Variants in ATP2C1 observed in about 807,000 individuals in gnomAD.
The protein encoded by ATP2C1 is ATPase secretory pathway Ca2+ transporting 1, also known as calcium-transporting ATPase type 2C member 1.
Under a neutral mutation model 120.5 loss-of-function variants are expected in ATP2C1, and 31 were observed. The ratio of observed to expected loss-of-function variants is 0.26; its 90% CI spans 0.19 to 0.35. The LOEUF (loss-of-function observed/expected upper bound fraction) is 0.35, where lower values mean the gene tolerates loss of function less well. Ranked by LOEUF, ATP2C1 falls within the 10% of genes least tolerant of loss-of-function variation. The pLI is 1.00. For missense variants in ATP2C1, 731 were observed against 1,107.5 expected, an observed-to-expected ratio of 0.66 and a Z score of 4.83; for synonymous variants, 351 against 358.7, an observed-to-expected ratio of 0.98 and a Z score of 0.24.
intron 4 of ATP2C1, among the ~76,000 whole-genome samples, chr3:130,934,419 T>G (rs2059578372): frequency 6.6e-6 from 1 of 151,796 alleles, no homozygotes; most frequent in Non-Finnish European, 1.5e-5. Context: ...TTTTTTTTTC[T>G]GAAAAGGAAC....
downstream of ATP2C1, among the ~76,000 whole-genome samples, chr3:131,005,491 G>T (rs1013799240): frequency 1.3e-5 from 2 of 152,178 alleles, no homozygotes; most frequent in African/African-American, 4.8e-5. Context: ...ATACTAGTCT[G>T]TGGCCTTTGG....
At chr3:130,993,434 A>C (rs1483367238) in intron 21 of ATP2C1, among the ~76,000 whole-genome samples, 1 of 152,232 alleles carries the variant, frequency 6.6e-6, no homozygotes, top group Non-Finnish European at 1.5e-5. Flanking sequence ...TCCAGTAGTT[A>C]ATGGTCTTAA....
At chr3:130,999,767 A>G in intron 27 of ATP2C1, 108 bp downstream of exon 27, 1 of 1,083,060 alleles carries the variant, frequency 9.2e-7, no homozygotes, top group Non-Finnish European at 1.3e-6. Flanking sequence ...TAAGTAACTC[A>G]CTTGATTTGA....
At chr3:130,853,856 A>G (rs2067755085) in intron 1 of ATP2C1, among the ~76,000 whole-genome samples, 1 of 152,282 alleles carries the variant, frequency 6.6e-6, no homozygotes, top group South Asian at 2.1e-4. Context: ...TGACCCACAC[A>G]ACAGGCAGAG....
intron 26 of ATP2C1, among the ~76,000 whole-genome samples, chr3:131,010,165 T>C (rs2063262612): frequency 6.6e-6 from 1 of 150,530 alleles, no homozygotes; most frequent in Non-Finnish European, 1.5e-5. Context: ...AATGGTAATA[T>C]CTGCTCTTCA....
intron 1 of ATP2C1, among the ~76,000 whole-genome samples, chr3:130,853,815 T>C (rs1373894226): frequency 1.3e-5 from 2 of 152,190 alleles, no homozygotes; most frequent in Non-Finnish European, 2.9e-5. Context: ...CCCTGAGGCA[T>C]ACTGGAGCCT....
At chr3:130,979,864 T>C (rs1230864725) in intron 19 of ATP2C1, among the ~76,000 whole-genome samples, 1 of 152,182 alleles carries the variant, frequency 6.6e-6, no homozygotes, top group Non-Finnish European at 1.5e-5. Flanking sequence ...CTATTTAAGA[T>C]TACCGTAAGA....
exon 27 of ATP2C1, chr3:131,016,593 G>C: frequency 2.0e-6 from 1 of 499,776 alleles, no homozygotes; most frequent in Non-Finnish European, 3.6e-6. Flanking sequence ...CTTTTCCACT[G>C]GTCTACTACC....
chr3:130,976,755 C>G (rs190580026), intron 18 of ATP2C1, among the ~76,000 whole-genome samples: 7 of 152,212 alleles, frequency 4.6e-5, no homozygotes, highest in Non-Finnish European at 8.8e-5. Flanking sequence ...TTTCTCCCAG[C>G]GTCATTTCTG....
chr3:131,006,439 ATT>A (rs572972846), downstream of ATP2C1, among the ~76,000 whole-genome samples: 1 of 151,934 alleles, frequency 6.6e-6, no homozygotes, highest in Non-Finnish European at 1.5e-5. Context: ...TTTACTCGTA[ATT>A]TTTTTGGCCT....
rs144050547 is a variant in ATP2C1 at position 130,998,787 on chromosome 3, C to T, written c.2487+398C>T. 8.6e-3 allele frequency among the ~76,000 whole-genome samples: 1,309 copies of T among 151,956 alleles called. 27 individuals carry two copies. The highest frequency in any genetic ancestry group is 0.03 in the African/African-American group (1,251 of 41,462). On this transcript the variant is annotated intron_variant, in intron 26 of 27. Transcript: ENST00000510168. ...GAGCAGTTATGTGCCTATTTTTTTT[C>T]CCATCACTCCTGTCACTGTGTCAAA...
chr3:130,851,402 A>G (rs1014653713), intron 1 of ATP2C1, among the ~76,000 whole-genome samples: 1 of 152,248 alleles, frequency 6.6e-6, no homozygotes, highest in Non-Finnish European at 1.5e-5. Context: ...TATAAAGATC[A>G]TTCAGAAGCA....
At chr3:130,971,886 A>G (rs1031023355) in intron 17 of ATP2C1, among the ~76,000 whole-genome samples, 1 of 152,190 alleles carries the variant, frequency 6.6e-6, no homozygotes, top group African/African-American at 2.4e-5. Context: ...ATAAAGCCCT[A>G]GTTCTTAACA....
chr3:131,010,186 TC>T (rs1463094647), intron 26 of ATP2C1, among the ~76,000 whole-genome samples: 28 of 118,300 alleles, frequency 2.4e-4, no homozygotes, highest in African/African-American at 7.3e-4. Context: ...TCTTTTTCTA[TC>T]TTTTTTTTTT....
At chr3:130,920,959 T>C (rs1347064410) in intron 2 of ATP2C1, among the ~76,000 whole-genome samples, 1 of 152,182 alleles carries the variant, frequency 6.6e-6, no homozygotes, top group African/African-American at 2.4e-5. Flanking sequence ...AATGTCCTTT[T>C]CAGATAGTTA....
chr3:131,002,874 C>T lies in ATP2C1; in HGVS notation c.*1524C>T. The T allele has an allele frequency of 7.1e-6, 7 of 985,764 alleles. No homozygotes were observed. The highest frequency in any genetic ancestry group is 8.4e-6 in the Non-Finnish European group (7 of 829,892). The allele number at this position is 985,764 out of a possible 1,614,324, so 61.1% of individuals were successfully genotyped here. Reference sequence around the variant, plus strand: ...GCTGGCTGCAGTTTATTCTACTTAACCCTTTAAGGCTGAATTGTCAAATGT... The same window carrying T: ...GCTGGCTGCAGTTTATTCTACTTAATCCTTTAAGGCTGAATTGTCAAATGT... On this transcript the variant is annotated 3_prime_UTR_variant, in exon 28 of 28. Transcript: ENST00000510168.
exon 27 of ATP2C1, chr3:131,016,676 T>A: frequency 2.9e-6 from 1 of 344,658 alleles, no homozygotes; most frequent in South Asian, 2.7e-5. Context: ...AAATGACTAT[T>A]AAATATTATT....
chr3:130,859,345 C>A (rs2107711624), intron 1 of ATP2C1, among the ~76,000 whole-genome samples: 1 of 152,300 alleles, frequency 6.6e-6, no homozygotes, highest in Non-Finnish European at 1.5e-5. Flanking sequence ...TAGCAAAGAC[C>A]TCAAGTGAAG....
chr3:130,924,934 A>G (rs1012136972), intron 2 of ATP2C1, among the ~76,000 whole-genome samples: 3 of 151,618 alleles, frequency 2.0e-5, no homozygotes, highest in Admixed American at 6.6e-5. Flanking sequence ...GTTGTTTTTT[A>G]TTTATGCTAT....
Sources: gnomAD v4.1 joint callset for allele counts (sites outside exome capture counted in the v4.1 genomes callset) on GRCh38, gnomAD v4.1.1 for gene constraint, MANE v1.5 for transcripts, NCBI Gene and HGNC (gene_info 2026-07-23, HGNC 2026-07-21) for gene names.